SULT1C3: variants seen among roughly 807,000 people sequenced by gnomAD.
SULT1C3 encodes sulfotransferase family 1C member 3, also known as sulfotransferase 1C3.
Under a neutral mutation model 28.4 loss-of-function variants are expected in SULT1C3, and 31 were observed. That is an observed-to-expected ratio of 1.09 (90% CI 0.82 to 1.47). The LOEUF (loss-of-function observed/expected upper bound fraction) is 1.47, where lower values mean the gene tolerates loss of function less well. Ranked by LOEUF, SULT1C3 falls within the 40% of genes most tolerant of loss-of-function variation. The pLI, the probability that SULT1C3 is intolerant of heterozygous loss-of-function variation, is 0.00. For synonymous variants in SULT1C3, 106 were observed against 92.2 expected, an observed-to-expected ratio of 1.15 and a Z score of -0.86; for missense variants, 307 against 272.5, an observed-to-expected ratio of 1.13 and a Z score of -0.89.
intron 1 of SULT1C3, among the ~76,000 whole-genome samples, chr2:108,245,909 T>A (rs77564578): frequency 2.6e-5 from 4 of 152,212 alleles, no homozygotes. Context: ...TAAAACTGAA[T>A]GCCTTTAACA....
At chr2:108,252,770 TCTC>T in intron 3 of SULT1C3, among the ~76,000 whole-genome samples, 2 of 152,194 alleles carry the variant, frequency 1.3e-5, no homozygotes, top group African/African-American at 4.8e-5. Flanking sequence ...TGCTTTGTAT[TCTC>T]CTTCATATGT....
At chr2:108,255,309 T>C (rs1675840361) in intron 4 of SULT1C3, among the ~76,000 whole-genome samples, 2 of 151,956 alleles carry the variant, frequency 1.3e-5, no homozygotes, top group Admixed American at 1.3e-4. Flanking sequence ...TAATAATGTG[T>C]TCATCTTCCT....
At chr2:108,259,363 T>G (rs1238149597) in intron 7 of SULT1C3, among the ~76,000 whole-genome samples, 1 of 152,112 alleles carries the variant, frequency 6.6e-6, no homozygotes, top group Non-Finnish European at 1.5e-5. Flanking sequence ...AAGCTCTGAT[T>G]GCTGGTCCCC....
intron 4 of SULT1C3, among the ~76,000 whole-genome samples, 193 bp downstream of exon 4, chr2:108,253,635 A>G (rs1007601212): frequency 2.6e-5 from 4 of 152,064 alleles, no homozygotes; most frequent in Non-Finnish European, 5.9e-5. Flanking sequence ...TCTAAAATTC[A>G]TTTTCCTCTA....
chr2:108,256,654 A>T (rs1273048637), intron 5 of SULT1C3, among the ~76,000 whole-genome samples: 1 of 152,220 alleles, frequency 6.6e-6, no homozygotes, highest in East Asian at 1.9e-4. Context: ...CATTATAACC[A>T]GTCCTGACAT....
rs114924282 is a variant in SULT1C3 at position 108,240,823 on chromosome 2, C to T, written c.-8+740C>T. 3.2e-3 allele frequency among the ~76,000 whole-genome samples: 493 copies of T among 152,230 alleles called. 3 individuals carry two copies. The highest frequency in any genetic ancestry group is 0.012 in the African/African-American group (478 of 41,538). On this transcript the variant is annotated intron_variant, in intron 1 of 7. Transcript: ENST00000681802. ...CTCCAGTACTCATTTTTGGTAAAAA[C>T]AAATTATGATAAGACCATGTGTGCT...
At chr2:108,262,599 C>T (rs115130022), downstream of SULT1C3, among the ~76,000 whole-genome samples, 1,231 of 152,252 alleles carry the variant, frequency 8.1e-3, 20 homozygotes, top group African/African-American at 0.028. Flanking sequence ...TTTGAGAATG[C>T]CTTGATGAAA....
intron 4 of SULT1C3, 61 bp downstream of exon 4, chr2:108,253,503 G>T: frequency 1.2e-6 from 1 of 859,644 alleles, no homozygotes; most frequent in South Asian, 3.5e-5. Context: ...TACAACTGAA[G>T]ATATCTTTCA....
At position 108,259,078 on chromosome 2, in the gene SULT1C3, C is replaced by T. The variant is rs1184761434; in HGVS notation, c.734C>T (p.Pro245Leu). The T allele has an allele frequency of 1.9e-5, 12 of 633,586 alleles. No individual in the cohort carries two copies. The Admixed American group carries it at 2.6e-4, about 14-fold the overall frequency. 39.2% of individuals were successfully genotyped at this position (633,586 alleles called of 1,614,324 possible). A position where few individuals can be genotyped will look rare whatever the true frequency, so the allele number is the denominator to read the frequency against. Residue 245 changes from proline to leucine, a missense_variant, in exon 7 of 8, where the codon CCC becomes CTC. Transcript: ENST00000681802. ...TCATTTGATGTAATGAAGGATAATC[C>T]CATGGCCAACCATACTGCGGTACCT... Reference protein sequence around the residue: ...HTSFDVMKDNPMANHTAVPAH... With the variant: ...HTSFDVMKDNLMANHTAVPAH...
chr2:108,252,523 C>T, intron 3 of SULT1C3, 30 bp downstream of exon 3: 1 of 1,609,320 alleles, frequency 6.2e-7, no homozygotes, highest in African/African-American at 1.3e-5. Context: ...ATAGAAAGGA[C>T]TTTCACTTCA....
chr2:108,246,817 T>C (rs1323400695), intron 1 of SULT1C3, among the ~76,000 whole-genome samples: 1 of 152,174 alleles, frequency 6.6e-6, no homozygotes, highest in African/African-American at 2.4e-5. Context: ...AAGCAATATA[T>C]GACACATAAC....
downstream of SULT1C3, among the ~76,000 whole-genome samples, chr2:108,264,026 A>G (rs1052436252): frequency 2.0e-5 from 3 of 152,164 alleles, no homozygotes; most frequent in African/African-American, 7.2e-5. Context: ...AGTTGTGTTC[A>G]AGAAATTTAG....
At chr2:108,252,054 TAGAC>T (rs1032952994) in intron 2 of SULT1C3, among the ~76,000 whole-genome samples, 5 of 151,510 alleles carry the variant, frequency 3.3e-5, no homozygotes, top group Non-Finnish European at 5.9e-5. Context: ...GATAGATAGA[TAGAC>T]AGATAATAGG....
chr2:108,260,751 A>T lies in SULT1C3; in HGVS notation c.*71A>T. ...CGCCTTTTATTCTGTTGAGCAAGGA[A>T]CTGTGACTGAATGTGGAGCTTATGA... On this transcript the variant is annotated 3_prime_UTR_variant, in exon 8 of 8. Transcript: ENST00000681802. 2.3e-6 allele frequency: 1 copy of T among 434,706 alleles called. No homozygotes were observed. The highest frequency in any genetic ancestry group is 4.6e-6 in the Non-Finnish European group (1 of 215,198). 26.9% of individuals were successfully genotyped at this position (434,706 alleles called of 1,614,324 possible). A position where few individuals can be genotyped will look rare whatever the true frequency, so the allele number is the denominator to read the frequency against.
chr2:108,261,280 A>G (rs560769026), downstream of SULT1C3, among the ~76,000 whole-genome samples: 1 of 152,288 alleles, frequency 6.6e-6, no homozygotes, highest in South Asian at 2.1e-4. Flanking sequence ...AGTTGGAGAA[A>G]TTAGTCAGTG....
At position 108,247,216 on chromosome 2, in the gene SULT1C3, G is replaced by T. The variant is rs138968932; in HGVS notation, c.22G>T (p.Ala8Ser). The T allele has an allele frequency of 6.6e-5, 101 of 1,523,938 alleles. No individual in the cohort carries two copies. Among genetic ancestry groups the T allele is most frequent in the Non-Finnish European group, 8.7e-5 (98 of 1,131,814 alleles). The allele number at this position is 1,523,938 out of a possible 1,614,324, so 94.4% of individuals were successfully genotyped here. MAKIEKNAPTMEKKPELF... is the reference protein window; with the variant it reads MAKIEKNSPTMEKKPELF... ...CCCAATGGCGAAGATTGAGAAAAAC[G>T]CTCCCACGATGGAAAAAAAGCCAGA... Residue 8 changes from alanine (A) to serine (S), a missense_variant, in exon 2 of 8, where the codon GCT becomes TCT. Physicochemically the swap from Ala to Ser is moderately conservative, Grantham distance 99. Coordinates refer to ENST00000681802, the MANE Select transcript of SULT1C3 (RefSeq NM_001320878.2).
chr2:108,247,358 C>T lies in SULT1C3; in HGVS notation c.164C>T (p.Pro55Leu). The T allele has an allele frequency of 6.5e-7, 1 of 1,548,648 alleles. No homozygotes were observed. The highest frequency in any genetic ancestry group is 8.7e-7 in the Non-Finnish European group (1 of 1,146,974). ...GATGATCTTATTCTGGCAACTTACC[C>T]AAAGTCAGGTAAGGGTAGCAAAACA... is the stretch of plus-strand genomic sequence containing the variant. ...KPDDLILATY[P>L]KSGTTWMHEI... The change falls in exon 2 of 8, where the codon CCA becomes CTA. Residue 55 changes from proline (P) to leucine (L), a missense_variant. Coordinates refer to ENST00000681802, the MANE Select transcript of SULT1C3 (RefSeq NM_001320878.2).
intron 1 of SULT1C3, among the ~76,000 whole-genome samples, chr2:108,244,092 A>T (rs895565992): frequency 1.3e-5 from 2 of 152,042 alleles, no homozygotes; most frequent in African/African-American, 4.8e-5. Flanking sequence ...ATACAGAAAG[A>T]CATGCAAAGC....
intron 4 of SULT1C3, among the ~76,000 whole-genome samples, chr2:108,254,023 C>T (rs943100279): frequency 6.6e-6 from 1 of 151,986 alleles, no homozygotes; most frequent in African/African-American, 2.4e-5. Flanking sequence ...TCTTTTGCCT[C>T]CCACTTTGTC....
Sources: allele counts gnomAD v4.1 joint callset (sites outside exome capture counted in the v4.1 genomes callset), GRCh38; gene constraint gnomAD v4.1.1; transcripts MANE v1.5; gene names NCBI Gene and HGNC (gene_info 2026-07-23, HGNC 2026-07-21).